Variants in KLC3 observed in about 807,000 individuals in gnomAD.
KLC3 encodes kinesin light chain 2.
Under a neutral mutation model 62.9 loss-of-function variants are expected in KLC3, and 72 were observed. The observed-to-expected ratio is 1.15, with a 90% CI of 0.95 to 1.39. The LOEUF is 1.39. Among genes scored for constraint, KLC3 ranks in the 40% most tolerant of loss-of-function variants. The pLI, the probability that KLC3 is intolerant of heterozygous loss-of-function variation, is 0.00. For synonymous variants in KLC3, 377 were observed against 300.5 expected (o/e 1.25, Z -2.63); for missense variants, 848 against 691.6 (o/e 1.23, Z -2.54).
intron 1 of KLC3, among the ~76,000 whole-genome samples, chr19:45,341,586 C>CGCGCGCGCGT (rs746391396): frequency 1.7e-5 from 2 of 114,648 alleles, no homozygotes; most frequent in South Asian, 6.3e-4. Context: ...TGTGCGCGCG[C>CGCGCGCGCGT]GCGTGTGGTG....
intron 3 of KLC3, 181 bp downstream of exon 3, chr19:45,346,955 T>C (rs1599708415): frequency 2.3e-6 from 1 of 437,342 alleles, no homozygotes; most frequent in Non-Finnish European, 3.9e-6. Context: ...CCACCAGAAC[T>C]TCCACAGACG....
At position 45,350,355 on chromosome 19, in the gene KLC3, G is replaced by A; in HGVS notation, c.1158G>A (p.Leu386=). The change falls in exon 9 of 13, where the codon CTG becomes CTA. Residue 386 remains leucine (L), a synonymous_variant. Coordinates refer to ENST00000391946, the MANE Select transcript of KLC3 (RefSeq NM_177417.3). Reference sequence around the variant, plus strand: ...CTTCTCCGCAGGCCTCAGCCTACCTGAAACAGAACAAGTATCAACAAGCGG... The same window carrying A: ...CTTCTCCGCAGGCCTCAGCCTACCTAAAACAGAACAAGTATCAACAAGCGG... ...KTKNNLASAY[L]KQNKYQQAEE... 6.2e-7 allele frequency: 1 copy of A among 1,613,282 alleles called. No homozygotes were observed. The highest frequency in any genetic ancestry group is 8.5e-7 in the Non-Finnish European group (1 of 1,179,906).
In KLC3 at chr19:45,348,122, C is replaced by T. The variant is rs773401860; in HGVS notation, c.741C>T (p.Asp247=). The T allele has an allele frequency of 7.8e-5, 125 of 1,600,580 alleles. No individual in the cohort carries two copies. Among genetic ancestry groups the T allele is most frequent in the Middle Eastern group, 7.6e-4 (4 of 5,238 alleles). The part of the protein sequence containing the change: ...LERSSGHCHP[D]VATMLNILAL... ...GCAGCTCGGGCCACTGCCACCCTGA[C>T]GTGGCCACCATGCTCAACATCCTGG... The change falls in exon 5 of 13, where the codon GAC becomes GAT. Residue 247 remains aspartate (D), a synonymous_variant. Transcript: ENST00000391946.
intron 8 of KLC3, 21 bp downstream of exon 8, chr19:45,349,623 A>AG: frequency 6.5e-7 from 1 of 1,540,378 alleles, no homozygotes; most frequent in Non-Finnish European, 8.8e-7. Context: ...TGGGGCTCAG[A>AG]GTGGGCCAAG....
rs553427226 is a variant in KLC3, at chr19:45,341,581, G to A, written c.-9+735G>A. 1.1e-4 allele frequency among the ~76,000 whole-genome samples: 17 copies of A among 150,150 alleles called. 1 individual carries two copies. The highest frequency in any genetic ancestry group is 6.4e-4 in the South Asian group (3 of 4,696). ...TGTGTGTGTGTGTGTGTGTGTGTGC[G>A]CGCGCGCGTGTGGTGGACAGTGTGG... On this transcript the variant is annotated intron_variant, in intron 1 of 12. Transcript: ENST00000391946.
intron 1 of KLC3, among the ~76,000 whole-genome samples, chr19:45,341,386 A>T (rs1421676277): frequency 2.0e-5 from 3 of 152,014 alleles, no homozygotes; most frequent in African/African-American, 7.2e-5. Flanking sequence ...TGCTGGTAGC[A>T]CTTTACGACC....
intron 5 of KLC3, 64 bp from the exon 6 acceptor site, chr19:45,348,582 C>T (rs1971568831): frequency 8.1e-6 from 12 of 1,485,130 alleles, no homozygotes; most frequent in Non-Finnish European, 1.1e-5. Context: ...TTGGCCCAGC[C>T]CCTGTGGCTG....
rs752512145 is a variant in KLC3 at position 45,351,390 on chromosome 19, G to A, written c.*33G>A. On this transcript the variant is annotated 3_prime_UTR_variant, in exon 13 of 13. Coordinates refer to ENST00000391946, the MANE Select transcript of KLC3 (RefSeq NM_177417.3). ...TGAACTGCGCTGGCCGCAGCTTCTT[G>A]GGAACAGTGCAGGAGGGATGGGCTG... is the stretch of plus-strand genomic sequence containing the variant. 7 of 1,606,444 alleles carry A rather than the reference G, an allele frequency of 4.4e-6. No individual in the cohort carries two copies. The highest frequency in any genetic ancestry group is 1.3e-5 in the African/African-American group (1 of 74,910).
At position 45,348,826 on chromosome 19, in the gene KLC3, G is replaced by C. The variant is rs763647964; in HGVS notation, c.874G>C (p.Ala292Pro). The C allele has an allele frequency of 6.4e-7, 1 of 1,566,860 alleles. No individual in the cohort carries two copies. Among genetic ancestry groups the C allele is most frequent in the African/African-American group, 1.3e-5 (1 of 74,078 alleles). Residue 292 changes from alanine (A) to proline (P), a missense_variant, in exon 7 of 13, where the codon GCC (alanine) becomes CCC (proline). Transcript: ENST00000391946. Reference protein sequence around the residue: ...TLGPEHPAVAATLNNLAVLYG... With the variant: ...TLGPEHPAVAPTLNNLAVLYG... ...GCCTCCCCCAACCCCGCAGGTGGCC[G>C]CCACGCTCAACAACTTGGCTGTCCT...
chr19:45,348,089 C>T lies in KLC3; in HGVS notation c.708C>T (p.Asp236=). ...CTCTGTGCCGCCAGGCCTTGGAGGA[C>T]CTGGAGCGCAGCTCGGGCCACTGCC... The part of the protein sequence containing the change: ...AVPLCRQALE[D]LERSSGHCHP... The change falls in exon 5 of 13, where the codon GAC becomes GAT. Residue 236 remains aspartate, a synonymous_variant. Coordinates refer to ENST00000391946, the MANE Select transcript of KLC3 (RefSeq NM_177417.3). 6.2e-7 allele frequency: 1 copy of T among 1,602,868 alleles called. No homozygotes were observed. Among genetic ancestry groups the T allele is most frequent in the East Asian group, 2.3e-5 (1 of 44,430 alleles).
At position 45,348,830 on chromosome 19, in the gene KLC3, C is replaced by T. The variant is rs754333103; in HGVS notation, c.878C>T (p.Thr293Met). 3.0e-5 allele frequency: 47 copies of T among 1,568,964 alleles called. No homozygotes were observed. Among genetic ancestry groups the T allele is most frequent in the Admixed American group, 1.5e-4 (8 of 52,398 alleles). Residue 293 changes from threonine (T) to methionine (M), a missense_variant, in exon 7 of 13, where the codon ACG becomes ATG. Physicochemically the swap from Thr to Met is moderately conservative, Grantham distance 81. Coordinates refer to ENST00000391946, the MANE Select transcript of KLC3 (RefSeq NM_177417.3). ...LGPEHPAVAA[T>M]LNNLAVLYGK... ...CCCCCAACCCCGCAGGTGGCCGCCA[C>T]GCTCAACAACTTGGCTGTCCTCTAT...
chr19:45,348,352 G>C (rs1233009696), intron 5 of KLC3, among the ~76,000 whole-genome samples, 192 bp downstream of exon 5: 1 of 151,346 alleles, frequency 6.6e-6, no homozygotes, highest in African/African-American at 2.4e-5. Flanking sequence ...ACAGGGATCT[G>C]GGGGGGCCAC....
intron 5 of KLC3, 51 bp from the exon 6 acceptor site, chr19:45,348,595 G>A: frequency 6.5e-7 from 1 of 1,529,380 alleles, no homozygotes; most frequent in South Asian, 1.2e-5. Context: ...TGTGGCTGCA[G>A]CTGCCCCAAC....
intron 1 of KLC3, among the ~76,000 whole-genome samples, chr19:45,343,691 T>G (rs964021253): frequency 4.6e-5 from 7 of 152,152 alleles, no homozygotes; most frequent in African/African-American, 1.7e-4. Context: ...ACAGATTGTT[T>G]TTGAAAGAAT....
chr19:45,346,467 C>A, intron 2 of KLC3, 77 bp from the exon 3 acceptor site: 1 of 1,273,836 alleles, frequency 7.9e-7, no homozygotes, highest in Non-Finnish European at 1.1e-6. Context: ...TACGGCCTGA[C>A]TCGAGGCCTG....
Position 45,346,665 on chromosome 19 carries a change from A to G in KLC3, c.380A>G (p.Gln127Arg), listed in dbSNP as rs1445813931. ...VWLREELEETQRRLRASEESV... is the reference protein window; with the variant it reads ...VWLREELEETRRRLRASEESV... ...CTGCGGGAGGAACTGGAGGAGACGC[A>G]GCGGCGGCTTCGGGCCAGCGAGGAG... is the stretch of plus-strand genomic sequence containing the variant. The change falls in exon 3 of 13, where the codon CAG becomes CGG. Residue 127 changes from glutamine (Q) to arginine (R), a missense_variant. By Grantham distance (43) the Gln-to-Arg change is conservative. Transcript: ENST00000391946. The G allele has an allele frequency of 6.4e-7, 1 of 1,558,674 alleles. No individual in the cohort carries two copies.
intron 1 of KLC3, among the ~76,000 whole-genome samples, chr19:45,342,083 C>T (rs1354298373): frequency 2.0e-5 from 3 of 151,796 alleles, no homozygotes; most frequent in East Asian, 3.9e-4. Flanking sequence ...GTGGTTGAGC[C>T]GTGTTTGTTG....
chr19:45,346,818 G>A, intron 3 of KLC3, 44 bp downstream of exon 3: 13 of 1,499,658 alleles, frequency 8.7e-6, no homozygotes, highest in Non-Finnish European at 1.2e-5. Flanking sequence ...GCCCTTCATA[G>A]AGCCCCACAG....
Position 45,350,747 on chromosome 19 carries a change from G to A in KLC3, c.1379G>A (p.Gly460Glu), listed in dbSNP as rs776705760. The A allele has an allele frequency of 3.7e-6, 6 of 1,608,950 alleles. No homozygotes were observed. In the South Asian group the frequency reaches 5.5e-5, roughly 15 times the overall value. ...GGCGAGGCGGCGGCAGGAGCAGCCG[G>A]GTGAGTGTTGATCAGGTCGGCAAAG... ...LRGEAAAGAA[G>E]MKRAMSLNTL... Residue 460 changes from glycine to glutamate, a missense_variant and splice_region_variant, in exon 11 of 13, where the codon GGA becomes GAA. Transcript: ENST00000391946.
Sources: allele counts gnomAD v4.1 joint callset (sites outside exome capture counted in the v4.1 genomes callset), GRCh38; gene constraint gnomAD v4.1.1; transcripts MANE v1.5; gene names NCBI Gene and HGNC (gene_info 2026-07-23, HGNC 2026-07-21).